Variants in ZNF415 observed in about 807,000 individuals in gnomAD.
ZNF415 encodes zinc finger protein 415.
Under a neutral mutation model 7.3 loss-of-function variants are expected in ZNF415, and 5 were observed. That is an observed-to-expected ratio of 0.69 (90% CI 0.36 to 1.44). The LOEUF is 1.44. Ranked by LOEUF, ZNF415 falls within the 40% of genes most tolerant of loss-of-function variation. ZNF415 has a pLI of 0.04. For synonymous variants in ZNF415, 207 were observed against 226.3 expected, an observed-to-expected ratio of 0.91 and a Z score of 0.77; for missense variants, 628 against 664.8, an observed-to-expected ratio of 0.94 and a Z score of 0.61.
intron 2 of ZNF415, among the ~76,000 whole-genome samples, chr19:53,119,155 G>A (rs1307914630): frequency 1.3e-5 from 2 of 151,912 alleles, no homozygotes; most frequent in Admixed American, 6.6e-5. Flanking sequence ...GGTGGTGGGC[G>A]CCTGTAGTCC....
In ZNF415 at chr19:53,122,748, A is replaced by T; in HGVS notation, c.-67-5T>A. On this transcript the variant is annotated splice_region_variant and splice_polypyrimidine_tract_variant and intron_variant, in intron 1 of 3. Coordinates refer to ENST00000243643, the MANE Select transcript of ZNF415 (RefSeq NM_018355.4). ...AGGAGTCTTTGGAAGTCAATGCTGA[A>T]TAACAACAACAAGTGCTGTTTATTG... The T allele has an allele frequency of 6.2e-7, 1 of 1,603,868 alleles. No homozygotes were observed. The highest frequency in any genetic ancestry group is 1.3e-5 in the African/African-American group (1 of 74,686).
intron 3 of ZNF415, among the ~76,000 whole-genome samples, chr19:53,112,579 T>C (rs2086390953): frequency 6.6e-6 from 1 of 151,722 alleles, no homozygotes; most frequent in Non-Finnish European, 1.5e-5. Context: ...ATAGTGAGAG[T>C]AGTGTGGAGG....
intron 2 of ZNF415, among the ~76,000 whole-genome samples, chr19:53,118,768 T>C (rs2087456457): frequency 6.6e-6 from 1 of 150,882 alleles, no homozygotes; most frequent in Non-Finnish European, 1.5e-5. Context: ...GGAAACACAA[T>C]ATGTCAAAAC....
chr19:53,119,518 G>C (rs929319744), intron 2 of ZNF415, among the ~76,000 whole-genome samples: 3 of 137,636 alleles, frequency 2.2e-5, no homozygotes, highest in Non-Finnish European at 3.2e-5. Context: ...AAGAAAGCAA[G>C]AACAAATCAA....
chr19:53,124,238 C>CA (rs35871986), intron 1 of ZNF415: 78,989 of 144,506 alleles, frequency 0.55, 22,358 homozygotes, highest in East Asian at 0.68. Flanking sequence ...AACTCCGTCT[C>CA]AAAAAAAAAA....
intron 3 of ZNF415, chr19:53,115,664 G>T: frequency 7.0e-7 from 1 of 1,427,976 alleles, no homozygotes; most frequent in Non-Finnish European, 9.7e-7. Context: ...CAAACATAGT[G>T]TAATGGTGTG....
intron 2 of ZNF415, 74 bp from the exon 3 acceptor site, chr19:53,116,507 T>A (rs2087052689): frequency 1.9e-6 from 3 of 1,584,866 alleles, no homozygotes; most frequent in Non-Finnish European, 2.6e-6. Context: ...AAAATAAGAA[T>A]AAAAGAGAAT....
At chr19:53,113,141 T>C (rs1423811802) in intron 3 of ZNF415, among the ~76,000 whole-genome samples, 1 of 147,662 alleles carries the variant, frequency 6.8e-6, no homozygotes, top group African/African-American at 2.5e-5. Context: ...ATGAAAAAGA[T>C]GTTCATTTAT....
At chr19:53,117,857 T>C (rs992284832) in intron 2 of ZNF415, among the ~76,000 whole-genome samples, 5 of 152,158 alleles carry the variant, frequency 3.3e-5, no homozygotes, top group African/African-American at 4.8e-5. Context: ...GTTACTATTA[T>C]AGAAAACCAC....
At chr19:53,122,098 T>G (rs901006570) in intron 2 of ZNF415, among the ~76,000 whole-genome samples, 13 of 151,506 alleles carry the variant, frequency 8.6e-5, no homozygotes, top group African/African-American at 2.9e-4. Context: ...AATACAAAAT[T>G]AGCTGGTTGT....
Position 53,108,322 on chromosome 19 carries a change from T to C in ZNF415, c.*55A>G, listed in dbSNP as rs2085678674. 3 of 1,496,356 alleles carry C rather than the reference T, an allele frequency of 2.0e-6. No individual in the cohort carries two copies. Among genetic ancestry groups the C allele is most frequent in the African/African-American group, 2.8e-5 (2 of 71,482 alleles). 92.7% of individuals were successfully genotyped at this position (1,496,356 alleles called of 1,614,324 possible). A position where few individuals can be genotyped will look rare whatever the true frequency, so the allele number is the denominator to read the frequency against. On this transcript the variant is annotated 3_prime_UTR_variant, in exon 4 of 4. Transcript: ENST00000243643. ...TTATACTTGTATGGTTTCTCTCTGA[T>C]ATAAATTCTTTGATGACTCACAGGA...
At position 53,109,651 on chromosome 19, in the gene ZNF415, T is replaced by G. The variant is rs147436637; in HGVS notation, c.394A>C (p.Asn132His). 2.5e-6 allele frequency: 4 copies of G among 1,614,122 alleles called. No homozygotes were observed. The highest frequency in any genetic ancestry group is 3.4e-6 in the Non-Finnish European group (4 of 1,180,014). The change falls in exon 4 of 4, where the codon AAC becomes CAC. Residue 132 changes from asparagine (N) to histidine (H), a missense_variant. Coordinates refer to ENST00000243643, the MANE Select transcript of ZNF415 (RefSeq NM_018355.4). ...CCAAGCTGATGTTTAATAGACTTGTTTCCTATACCTCTTCTATCGCGTTGG... is the reference window on the plus strand; with the variant it reads ...CCAAGCTGATGTTTAATAGACTTGTGTCCTATACCTCTTCTATCGCGTTGG... The part of the protein sequence containing the change: ...RDQRDRRGIG[N>H]KSIKHQLGLS...
At chr19:53,115,635 C>T (rs1303394620) in intron 3 of ZNF415, 8 of 1,212,872 alleles carry the variant, frequency 6.6e-6, no homozygotes, top group Non-Finnish European at 9.5e-6. Context: ...ACAGAACTCT[C>T]CCACTTGCTA....
chr19:53,113,229 C>CAAAAAAAGAACAAA lies in ZNF415; in HGVS notation c.136+3083_136+3084insTTTGTTCTTTTTTT, dbSNP rs1211230551. On this transcript the variant is annotated intron_variant, in intron 3 of 3. Coordinates refer to ENST00000243643, the MANE Select transcript of ZNF415 (RefSeq NM_018355.4). ...TGGACTTTAAAAACCGAGGCATTGGCCGGGCGCGGTGGCTCACGCCTGTAA... is the reference window on the plus strand; with the variant it reads ...TGGACTTTAAAAACCGAGGCATTGGCAAAAAAAGAACAAACGGGCGCGGTGGCTCACGCCTGTAA... 6.9e-5 allele frequency among the ~76,000 whole-genome samples: 2 copies of CAAAAAAAGAACAAA among 28,794 alleles called. 1 individual carries two copies. The allele number at this position is 28,794 out of a possible 152,430, so 18.9% of individuals were successfully genotyped here.
chr19:53,130,110 C>G (rs1387595361), intron 1 of ZNF415, among the ~76,000 whole-genome samples: 1 of 151,954 alleles, frequency 6.6e-6, no homozygotes, highest in Admixed American at 6.6e-5. Context: ...TTCCCAGACC[C>G]TCTTTCACAT....
chr19:53,128,061 C>G (rs1049456049), intron 1 of ZNF415, among the ~76,000 whole-genome samples: 2 of 152,008 alleles, frequency 1.3e-5, no homozygotes, highest in African/African-American at 4.8e-5. Flanking sequence ...CATCATTCAC[C>G]CGGCTCATCT....
At chr19:53,120,574 T>C (rs2087836622) in intron 2 of ZNF415, among the ~76,000 whole-genome samples, 1 of 152,076 alleles carries the variant, frequency 6.6e-6, no homozygotes, top group South Asian at 2.1e-4. Context: ...AGTTTCACCA[T>C]AAAACAAATA....
rs533674247 is a variant in ZNF415, at chr19:53,126,521, G to T, written c.-67-3778C>A. Among the ~76,000 whole-genome samples the T allele has an allele frequency of 3.8e-4, 53 of 138,842 alleles. 1 individual carries two copies. The South Asian group carries it at 0.012, about 32-fold the overall frequency. 91.1% of individuals were successfully genotyped at this position (138,842 alleles called of 152,430 possible). On this transcript the variant is annotated intron_variant, in intron 1 of 3. Transcript: ENST00000243643. ...CAAACTGACTGCAGAACTGCAGGAA[G>T]TGAGAGTCTGAACAGAGCAGCAGAA...
At chr19:53,115,594 G>C (rs757650838) in intron 3 of ZNF415, 1 of 815,884 alleles carries the variant, frequency 1.2e-6, no homozygotes, top group Non-Finnish European at 2.0e-6. Flanking sequence ...TTTCCTCTAA[G>C]AGCTCACAGG....
Sources: gnomAD v4.1 joint callset for allele counts (sites outside exome capture counted in the v4.1 genomes callset) on GRCh38, gnomAD v4.1.1 for gene constraint, MANE v1.5 for transcripts, NCBI Gene and HGNC (gene_info 2026-07-23, HGNC 2026-07-21) for gene names.